Variants in CSNK1A1 observed in about 807,000 individuals in gnomAD.
CSNK1A1 encodes the protein casein kinase 1 alpha 1, also known as casein kinase I isoform alpha.
A neutral mutation model predicts 46.1 loss-of-function variants in CSNK1A1; 7 were observed. That is an observed-to-expected ratio of 0.15 (90% CI 0.09 to 0.29). The LOEUF is 0.29. CSNK1A1 is among the 10% of genes least tolerant of loss of function. CSNK1A1 has a pLI of 1.00. For synonymous variants in CSNK1A1, 137 were observed against 141.5 expected (o/e 0.97, Z 0.23); for missense variants, 96 against 417.1 (o/e 0.23, Z 6.71).
intron 9 of CSNK1A1, chr5:149,498,309 A>C: frequency 4.1e-6 from 4 of 985,446 alleles, no homozygotes; most frequent in Non-Finnish European, 4.8e-6. Flanking sequence ...CTAAGTCCAT[A>C]AGCACCAAAT....
Position 149,525,569 on chromosome 5 carries a change from A to C in CSNK1A1, c.231-398T>G, listed in dbSNP as rs768590122. Among the ~76,000 whole-genome samples the C allele has an allele frequency of 1.3e-5, 2 of 152,208 alleles. No individual in the cohort carries two copies. Among genetic ancestry groups the C allele is most frequent in the Non-Finnish European group, 1.5e-5 (1 of 68,030 alleles). On this transcript the variant is annotated intron_variant, in intron 2 of 9. Coordinates refer to ENST00000377843, the MANE Select transcript of CSNK1A1 (RefSeq NM_001892.6). The surrounding 1 kb of genome is among the most constrained non-coding windows in gnomAD (Gnocchi z 4.2). ...TCATTCCAAAATGTTTCAGAAAGCA[A>C]AGATTTCTTTTATCTGAACTTCGAT... is the stretch of plus-strand genomic sequence containing the variant.
intron 9 of CSNK1A1, chr5:149,504,696 C>G: frequency 1.0e-6 from 1 of 985,420 alleles, no homozygotes; most frequent in Non-Finnish European, 1.2e-6. Context: ...ATTTGCAAGG[C>G]CTGGCTGCAG....
intron 2 of CSNK1A1, among the ~76,000 whole-genome samples, chr5:149,532,645 C>T (rs1401528395): frequency 3.3e-5 from 5 of 151,652 alleles, no homozygotes; most frequent in Non-Finnish European, 4.4e-5. Flanking sequence ...GCCAAGATCA[C>T]GCCATTGCAC....
chr5:149,513,854 C>T (rs1172089035), intron 4 of CSNK1A1, among the ~76,000 whole-genome samples: 7 of 151,286 alleles, frequency 4.6e-5, no homozygotes, highest in South Asian at 2.1e-4. Flanking sequence ...GAGCCAAGAC[C>T]GCGTCACTGC....
intron 9 of CSNK1A1, 150 bp from the exon 10 acceptor site, chr5:149,497,010 T>G: frequency 2.1e-6 from 3 of 1,434,514 alleles, no homozygotes; most frequent in Non-Finnish European, 2.7e-6. Flanking sequence ...GCTCAACTTT[T>G]TAAAACAGAA....
chr5:149,551,039 A>C lies in CSNK1A1; in HGVS notation c.-75T>G, dbSNP rs1249683643. On this transcript the variant is annotated 5_prime_UTR_variant, in exon 1 of 10. Coordinates refer to ENST00000377843, the MANE Select transcript of CSNK1A1 (RefSeq NM_001892.6). ...AGAGGACGGAGGCCTCGGGGCTCCT[A>C]CACTAGGCAAGGCTACGGAGGAGGG... The C allele has an allele frequency of 6.5e-7, 1 of 1,548,870 alleles. No homozygotes were observed. Among genetic ancestry groups the C allele is most frequent in the Non-Finnish European group, 8.8e-7 (1 of 1,130,190 alleles).
intron 2 of CSNK1A1, among the ~76,000 whole-genome samples, chr5:149,540,434 G>C (rs1762193411): frequency 6.6e-6 from 1 of 152,074 alleles, no homozygotes; most frequent in South Asian, 2.1e-4. Flanking sequence ...TCAAAGGAGA[G>C]CAAGGTAAAG....
chr5:149,516,688 A>G (rs1353151487), intron 4 of CSNK1A1, among the ~76,000 whole-genome samples: 3 of 152,162 alleles, frequency 2.0e-5, no homozygotes, highest in African/African-American at 4.8e-5. Flanking sequence ...TTTTATTCTT[A>G]TAATATGCCT....
intron 9 of CSNK1A1, chr5:149,499,395 C>CA (rs79068221): frequency 5.1e-5 from 19 of 369,410 alleles, no homozygotes; most frequent in East Asian, 1.7e-4. Context: ...CTGCAAAAAG[C>CA]AAAAAAAAGT....
intron 2 of CSNK1A1, chr5:149,529,487 C>A: frequency 4.2e-6 from 1 of 240,740 alleles, no homozygotes. Flanking sequence ...ACATGATTCA[C>A]ACAAAAGATC....
At chr5:149,519,207 T>C (rs1268396162) in intron 4 of CSNK1A1, among the ~76,000 whole-genome samples, 1 of 152,156 alleles carries the variant, frequency 6.6e-6, no homozygotes, top group Non-Finnish European at 1.5e-5. Context: ...GTATCTCACA[T>C]TGACAAATAA....
intron 9 of CSNK1A1, chr5:149,499,307 GGGA>G: frequency 1.7e-5 from 15 of 859,404 alleles, no homozygotes; most frequent in Non-Finnish European, 2.1e-5. Context: ...AAAAAAAAAG[GGGA>G]GGGGGAGGGG....
At chr5:149,511,359 T>A (rs182140509) in intron 6 of CSNK1A1, among the ~76,000 whole-genome samples, 47 of 150,666 alleles carry the variant, frequency 3.1e-4, no homozygotes, top group Non-Finnish European at 6.3e-4. Flanking sequence ...CGGTGATTTA[T>A]CATTAACATA....
At chr5:149,513,621 C>T (rs1761302402) in intron 4 of CSNK1A1, among the ~76,000 whole-genome samples, 1 of 152,132 alleles carries the variant, frequency 6.6e-6, no homozygotes, top group Non-Finnish European at 1.5e-5. Flanking sequence ...ATATAATGGC[C>T]GAGCGCGGTA....
chr5:149,502,012 T>C (rs1760873394), intron 9 of CSNK1A1: 1 of 967,624 alleles, frequency 1.0e-6, no homozygotes, highest in Non-Finnish European at 1.2e-6. Flanking sequence ...TTTTGATGGA[T>C]ATTGGAATGG....
intron 2 of CSNK1A1, among the ~76,000 whole-genome samples, chr5:149,548,046 T>C (rs1241192047): frequency 1.3e-5 from 2 of 152,038 alleles, no homozygotes; most frequent in Non-Finnish European, 2.9e-5. Context: ...AATTTTTGTA[T>C]TTTTAGTAGA....
chr5:149,504,922 G>C, intron 9 of CSNK1A1: 13 of 985,520 alleles, frequency 1.3e-5, no homozygotes, highest in Non-Finnish European at 1.6e-5. Flanking sequence ...TAGACACTTT[G>C]GGGGTAATGC....
At chr5:149,516,432 A>G (rs1272739877) in intron 4 of CSNK1A1, among the ~76,000 whole-genome samples, 1 of 152,154 alleles carries the variant, frequency 6.6e-6, no homozygotes, top group African/African-American at 2.4e-5. Flanking sequence ...ATTTTCTTCA[A>G]AATCACTGTG....
At chr5:149,513,278 A>C in intron 4 of CSNK1A1, 69 bp from the exon 5 acceptor site, 1 of 1,396,416 alleles carries the variant, frequency 7.2e-7, no homozygotes, top group African/African-American at 1.4e-5. Context: ...TTATTCATTA[A>C]ATGGTATCTA....
Sources: allele counts gnomAD v4.1 joint callset (sites outside exome capture counted in the v4.1 genomes callset), GRCh38; gene constraint gnomAD v4.1.1; non-coding constraint Gnocchi (gnomAD v3.1); transcripts MANE v1.5; gene names NCBI Gene and HGNC (gene_info 2026-07-23, HGNC 2026-07-21).